The following NCOA3 variants were observed in gnomAD, a reference collection of about 807,000 sequenced individuals.
NCOA3 encodes nuclear receptor coactivator 3.
Under a neutral mutation model 158.8 loss-of-function variants are expected in NCOA3, and 51 were observed. The observed-to-expected ratio is 0.32, with a 90% CI of 0.26 to 0.41. The LOEUF is 0.41. NCOA3 is among the 10% of genes least tolerant of loss of function. The pLI, the probability that NCOA3 is intolerant of heterozygous loss-of-function variation, is 1.00. For synonymous variants in NCOA3, 537 were observed against 592.4 expected (o/e 0.91, Z 1.36); for missense variants, 1,510 against 1,746.6 (o/e 0.86, Z 2.41).
At chr20:47,558,911 T>C (rs1029225529) in intron 1 of NCOA3, among the ~76,000 whole-genome samples, 6 of 148,084 alleles carry the variant, frequency 4.1e-5, no homozygotes, top group Non-Finnish European at 6.0e-5. Context: ...ATGCACGACA[T>C]CTGGACACAG....
At chr20:47,562,489 T>C (rs1440746253) in intron 1 of NCOA3, among the ~76,000 whole-genome samples, 1 of 152,202 alleles carries the variant, frequency 6.6e-6, no homozygotes, top group Admixed American at 6.5e-5. Flanking sequence ...TGACGTGTGA[T>C]GTGGATCATC....
Position 47,627,643 on chromosome 20 carries a change from T to G in NCOA3, c.615T>G (p.His205Gln). Residue 205 changes from histidine to glutamine, a missense_variant, in exon 7 of 23, where the codon CAT becomes CAG. Physicochemically the swap from His to Gln is conservative, Grantham distance 24. Around this residue, in one of 4 missense-constraint regions of NCOA3, gnomAD observed 309 missense variants for 427.1 expected, o/e 0.72. Transcript: ENST00000371998. ...FNCRMLMKTP[H>Q]DILEDINASP... ...GCCGTATGTTGATGAAAACACCACA[T>G]GATATTCTGGAAGACATAAACGCCA... is the stretch of plus-strand genomic sequence containing the variant. 1 of 1,614,060 alleles carries G rather than the reference T, an allele frequency of 6.2e-7. No homozygotes were observed. Among genetic ancestry groups the G allele is most frequent in the Non-Finnish European group, 8.5e-7 (1 of 1,179,968 alleles).
chr20:47,644,528 G>A (rs2086658648), intron 17 of NCOA3, among the ~76,000 whole-genome samples: 1 of 151,958 alleles, frequency 6.6e-6, no homozygotes, highest in Non-Finnish European at 1.5e-5. Context: ...GGAAAGTGTT[G>A]GACGCTTTTA....
At chr20:47,518,422 T>G (rs2084270370) in intron 1 of NCOA3, among the ~76,000 whole-genome samples, 1 of 146,156 alleles carries the variant, frequency 6.8e-6, no homozygotes, top group Non-Finnish European at 1.5e-5. Context: ...CTTTTTCTGT[T>G]TTTTTTTTTT....
chr20:47,503,363 G>A (rs1057350756), intron 1 of NCOA3, among the ~76,000 whole-genome samples: 1 of 152,156 alleles, frequency 6.6e-6, no homozygotes. Context: ...TATTTTAAAT[G>A]TATGCTCATT....
intron 20 of NCOA3, 100 bp from the exon 21 acceptor site, chr20:47,652,306 C>A: frequency 1.0e-6 from 1 of 977,806 alleles, no homozygotes; most frequent in East Asian, 2.6e-5. Flanking sequence ...TCCCTCCACC[C>A]CCACCTCCTT....
chr20:47,652,514 AG>A lies in NCOA3; in HGVS notation c.4057del (p.Ala1353LeufsTer10). On this transcript the variant is annotated frameshift_variant, in exon 21 of 23. Transcript: ENST00000371998. LOFTEE classifies it high-confidence loss of function. ...PSQNPMMQHP[Q>X]AASIYQSSEM... ...CAGAATCCCATGATGCAACACCCGC[AG>A]GCTGCATCCATCTATCAGTCCTCAG... 1.9e-6 allele frequency: 3 copies of A among 1,614,064 alleles called. No homozygotes were observed. The East Asian group carries it at 6.7e-5, about 36-fold the overall frequency.
intron 1 of NCOA3, among the ~76,000 whole-genome samples, chr20:47,536,500 A>G (rs2084635269): frequency 6.6e-6 from 1 of 152,252 alleles, no homozygotes; most frequent in South Asian, 2.1e-4. Context: ...TGGTGCAGAC[A>G]ATATATCCTA....
intron 1 of NCOA3, among the ~76,000 whole-genome samples, chr20:47,520,062 A>T (rs1371531378): frequency 3.8e-5 from 2 of 52,604 alleles, no homozygotes; most frequent in Non-Finnish European, 8.6e-5. Flanking sequence ...GTGCCTGGCC[A>T]AAAAAAAAAA....
rs747677163 is a variant in NCOA3, at chr20:47,635,873, A to AT, written c.1505-10dup. 1.3e-5 allele frequency: 20 copies of AT among 1,570,930 alleles called. No individual in the cohort carries two copies. The highest frequency in any genetic ancestry group is 2.4e-5 in the South Asian group (2 of 84,248). ...TCTGGTAGTCTAATTCTTTTCCTAAATTTTTTTTCAAATTCAGGTGTGCAC... is the reference window on the plus strand; with the variant it reads ...TCTGGTAGTCTAATTCTTTTCCTAAATTTTTTTTTCAAATTCAGGTGTGCAC... On this transcript the variant is annotated splice_polypyrimidine_tract_variant and intron_variant, in intron 11 of 22. Coordinates refer to ENST00000371998, the MANE Select transcript of NCOA3 (RefSeq NM_181659.3).
intron 18 of NCOA3, among the ~76,000 whole-genome samples, chr20:47,648,654 G>A (rs2086730407): frequency 6.6e-6 from 1 of 151,836 alleles, no homozygotes; most frequent in Admixed American, 6.6e-5. Flanking sequence ...TTGTAGAGAT[G>A]GGGTTTCTTC....
chr20:47,551,777 AAAG>A (rs1392999710), intron 1 of NCOA3, among the ~76,000 whole-genome samples: 2 of 152,236 alleles, frequency 1.3e-5, no homozygotes, highest in African/African-American at 2.4e-5. Context: ...CAGAAAGGGA[AAAG>A]AAGAATTTTT....
chr20:47,575,809 T>C (rs1454867337), intron 1 of NCOA3, among the ~76,000 whole-genome samples: 1 of 152,210 alleles, frequency 6.6e-6, no homozygotes, highest in East Asian at 1.9e-4. Flanking sequence ...ATTTACAGTG[T>C]GTTCATTTAG....
intron 12 of NCOA3, 77 bp downstream of exon 12, chr20:47,636,839 C>A: frequency 1.5e-6 from 2 of 1,346,956 alleles, no homozygotes; most frequent in Non-Finnish European, 2.0e-6. Context: ...AAAATTCTTC[C>A]ATTTTAGGTT....
At chr20:47,593,373 C>T (rs544337121) in intron 2 of NCOA3, among the ~76,000 whole-genome samples, 30 of 104,636 alleles carry the variant, frequency 2.9e-4, no homozygotes, top group African/African-American at 6.2e-4. Flanking sequence ...GAGACAGTCT[C>T]GCTCTGTTGC....
chr20:47,562,789 T>C (rs1039833666), intron 1 of NCOA3, among the ~76,000 whole-genome samples: 3 of 152,258 alleles, frequency 2.0e-5, no homozygotes, highest in Non-Finnish European at 4.4e-5. Flanking sequence ...CATTTTGTTA[T>C]ATTTTCTAAA....
intron 1 of NCOA3, among the ~76,000 whole-genome samples, chr20:47,522,869 G>T (rs1012383781): frequency 1.3e-5 from 2 of 150,344 alleles, no homozygotes; most frequent in African/African-American, 4.9e-5. Context: ...GAGGCTTTAC[G>T]AGAAACTTTT....
At chr20:47,612,150 A>G (rs995028603) in intron 2 of NCOA3, among the ~76,000 whole-genome samples, 3 of 152,192 alleles carry the variant, frequency 2.0e-5, no homozygotes, top group Non-Finnish European at 4.4e-5. Flanking sequence ...TTACCTCTGT[A>G]AAAGGAGAAC....
rs1166777115 is a variant in NCOA3 at position 47,505,003 on chromosome 20, GTTTTTTTTTTT to G, written c.-99+3000_-99+3010del. Among the ~76,000 whole-genome samples, 74 of 28,542 alleles carry G rather than the reference GTTTTTTTTTTT, an allele frequency of 2.6e-3. 1 individual carries two copies. Among genetic ancestry groups the G allele is most frequent in the African/African-American group, 0.012 (67 of 5,528 alleles). 18.7% of individuals were successfully genotyped at this position (28,542 alleles called of 152,430 possible). Reference sequence around the variant, plus strand: ...TAAAATAAATGGCTTTGGGTTTTTGGTTTTTTTTTTTTTTTTTTTTTTTTTTGCGGGCAGGG... The same window carrying G: ...TAAAATAAATGGCTTTGGGTTTTTGGTTTTTTTTTTTTTTTGCGGGCAGGG... On this transcript the variant is annotated intron_variant, in intron 1 of 22. Coordinates refer to ENST00000371998, the MANE Select transcript of NCOA3 (RefSeq NM_181659.3).
Sources: allele counts gnomAD v4.1 joint callset (sites outside exome capture counted in the v4.1 genomes callset), GRCh38; gene constraint gnomAD v4.1.1; regional missense constraint gnomAD v4.1.1; transcripts MANE v1.5; gene names NCBI Gene and HGNC (gene_info 2026-07-23, HGNC 2026-07-21).